The following COL5A2 variants were observed in gnomAD, a reference collection of about 807,000 sequenced individuals.
COL5A2 encodes the protein collagen type V alpha 2 chain.
Under a neutral mutation model 208.2 loss-of-function variants are expected in COL5A2, and 23 were observed. The observed-to-expected ratio is 0.11, with a 90% CI of 0.08 to 0.16. The LOEUF (loss-of-function observed/expected upper bound fraction) is 0.16. COL5A2 is among the 10% of genes least tolerant of loss of function. The probability of loss-of-function intolerance (pLI) is 1.00; values close to 1 mark genes in which losing one functional copy is unlikely to be tolerated. For missense variants in COL5A2, 1,590 were observed against 1,956.4 expected, an observed-to-expected ratio of 0.81 and a Z score of 3.53; for synonymous variants, 625 against 628.5, an observed-to-expected ratio of 0.99 and a Z score of 0.08.
At position 189,085,352 on chromosome 2, in the gene COL5A2, G is replaced by A. The variant is rs560822050; in HGVS notation, c.745-139C>T. On this transcript the variant is annotated intron_variant, in intron 10 of 53. Transcript: ENST00000374866. ...GAAAATGATAAATATTGTTGAGACA[G>A]AGAAAATAGTTTTATTAAAGTTTTG... 7 of 856,346 alleles carry A rather than the reference G, an allele frequency of 8.2e-6. No individual in the cohort carries two copies. In the African/African-American group the frequency reaches 8.5e-5, roughly 10 times the overall value. The allele number at this position is 856,346 out of a possible 1,614,324, so 53.0% of individuals were successfully genotyped here. A position where few individuals can be genotyped will look rare whatever the true frequency, so the allele number is the denominator to read the frequency against.
At chr2:189,404,246 T>C in the COL5A2 span, among the ~76,000 whole-genome samples, 1 of 151,998 alleles carries the variant, frequency 6.6e-6, no homozygotes, top group Non-Finnish European at 1.5e-5. Context: ...GAATCAGAGA[T>C]TAAGTAAAGA....
chr2:189,399,734 C>G, the COL5A2 span, among the ~76,000 whole-genome samples: 1 of 152,084 alleles, frequency 6.6e-6, no homozygotes, highest in Non-Finnish European at 1.5e-5. Context: ...GGGTCTCACT[C>G]TGCTGCCCAG....
At chr2:189,050,903 T>G (rs2105557503) in intron 42 of COL5A2, among the ~76,000 whole-genome samples, 1 of 152,278 alleles carries the variant, frequency 6.6e-6, no homozygotes, top group South Asian at 2.1e-4. Flanking sequence ...AACTGAAGAT[T>G]AATGTGAATA....
At chr2:189,176,467 C>T (rs184644823) in intron 1 of COL5A2, among the ~76,000 whole-genome samples, 3 of 152,254 alleles carry the variant, frequency 2.0e-5, no homozygotes, top group Middle Eastern at 3.4e-3. Flanking sequence ...CAAAATGATA[C>T]ATTTCTGCAC....
At chr2:189,311,790 G>T in the COL5A2 span, 1 of 893,074 alleles carries the variant, frequency 1.1e-6, no homozygotes, top group Non-Finnish European at 1.9e-6. Flanking sequence ...CATCACATTG[G>T]ACCTGGATGT....
Position 189,065,860 on chromosome 2 carries a change from C to T in COL5A2, c.1563+530G>A, listed in dbSNP as rs76858176. On this transcript the variant is annotated intron_variant, in intron 23 of 53. Transcript: ENST00000374866. ...TTTTCCTCTGCTAAGAATGTTCTTCCTTCCAAGTTTTCTACTGGCTTATCA... is the reference window on the plus strand; with the variant it reads ...TTTTCCTCTGCTAAGAATGTTCTTCTTTCCAAGTTTTCTACTGGCTTATCA... Among the ~76,000 whole-genome samples, 1,078 of 152,276 alleles carry T rather than the reference C, an allele frequency of 7.1e-3. 13 individuals are homozygous for T. Among genetic ancestry groups the T allele is most frequent in the African/African-American group, 0.024 (995 of 41,558 alleles).
rs574151096 is a variant in COL5A2 at position 189,097,916 on chromosome 2, T to C, written c.403-586A>G. 1.1e-4 allele frequency among the ~76,000 whole-genome samples: 17 copies of C among 152,354 alleles called. No individual in the cohort carries two copies. In the South Asian group the frequency reaches 3.1e-3, roughly 28 times the overall value. Reference sequence around the variant, plus strand: ...TTAGAATATTGCATTACTTCCCTTGTATGTTTAAAACCCACTTAGAAATTT... The same window carrying C: ...TTAGAATATTGCATTACTTCCCTTGCATGTTTAAAACCCACTTAGAAATTT... On this transcript the variant is annotated intron_variant, in intron 5 of 53. Coordinates refer to ENST00000374866, the MANE Select transcript of COL5A2 (RefSeq NM_000393.5).
At chr2:189,303,756 G>A in the COL5A2 span, among the ~76,000 whole-genome samples, 1 of 152,108 alleles carries the variant, frequency 6.6e-6, no homozygotes. Flanking sequence ...AGGCAAACGC[G>A]GAGCTGTAAC....
intron 1 of COL5A2, among the ~76,000 whole-genome samples, chr2:189,202,205 C>A (rs1689088307): frequency 6.6e-6 from 1 of 151,408 alleles, no homozygotes. Context: ...CAATGTGAAC[C>A]ATAAACAAAA....
At chr2:189,148,847 A>C (rs970635863) in intron 1 of COL5A2, among the ~76,000 whole-genome samples, 1 of 152,194 alleles carries the variant, frequency 6.6e-6, no homozygotes, top group African/African-American at 2.4e-5. Flanking sequence ...TCAACATGAA[A>C]TACTGATTAT....
chr2:189,288,102 T>C, the COL5A2 span, among the ~76,000 whole-genome samples: 1 of 152,010 alleles, frequency 6.6e-6, no homozygotes, highest in African/African-American at 2.4e-5. Context: ...GTTTATGGAA[T>C]GAAAAGAGGT....
At chr2:189,103,249 C>G (rs902343607) in intron 3 of COL5A2, among the ~76,000 whole-genome samples, 1 of 152,092 alleles carries the variant, frequency 6.6e-6, no homozygotes, top group Non-Finnish European at 1.5e-5. Flanking sequence ...ATAGCATTTG[C>G]AGCCCTTCTC....
chr2:189,073,165 C>G (rs555146369), intron 17 of COL5A2, among the ~76,000 whole-genome samples: 1 of 152,052 alleles, frequency 6.6e-6, no homozygotes, highest in Non-Finnish European at 1.5e-5. Context: ...TCTTGGCCCA[C>G]GTTGATCATG....
chr2:189,090,645 T>C (rs1260509509), intron 7 of COL5A2, among the ~76,000 whole-genome samples: 1 of 152,222 alleles, frequency 6.6e-6, no homozygotes, highest in Admixed American at 6.5e-5. Context: ...CTGGAGACTT[T>C]AAGCTAAGAC....
rs757934485 is a variant in COL5A2 at position 189,035,173 on chromosome 2, CTT to C, written c.4114-20_4114-19del. The C allele has an allele frequency of 2.5e-6, 4 of 1,613,608 alleles. No individual in the cohort carries two copies. In the Admixed American group the frequency reaches 6.7e-5, roughly 27 times the overall value. ...TAAGCGAACTAGAAAAACAAAGAGT[CTT>C]TGTCATACACAAGACTGAAGGGTTT... On this transcript the variant is annotated intron_variant, in intron 52 of 53. Coordinates refer to ENST00000374866, the MANE Select transcript of COL5A2 (RefSeq NM_000393.5).
In COL5A2 at chr2:189,110,460, AAAAG is replaced by A. The variant is rs770954568; in HGVS notation, c.98-15_98-12del. Reference sequence around the variant, plus strand: ...CTTCACCATATCCTTCTAAAATAAGAAAAGAAAGAAGAGGTTAGTAATCTGAAAT... The same window carrying A: ...CTTCACCATATCCTTCTAAAATAAGAAAAGAAGAGGTTAGTAATCTGAAAT... On this transcript the variant is annotated splice_polypyrimidine_tract_variant and intron_variant, in intron 1 of 53. Transcript: ENST00000374866. 5.0e-6 allele frequency: 8 copies of A among 1,606,032 alleles called. No individual in the cohort carries two copies. The highest frequency in any genetic ancestry group is 6.8e-6 in the Non-Finnish European group (8 of 1,172,688).
At chr2:189,226,708 AC>A (rs1382748117), upstream of COL5A2, among the ~76,000 whole-genome samples, 2 of 152,136 alleles carry the variant, frequency 1.3e-5, no homozygotes, top group Non-Finnish European at 2.9e-5. Flanking sequence ...CTCCAGAGGA[AC>A]CACAGTATCG....
At chr2:189,270,470 A>C in the COL5A2 span, among the ~76,000 whole-genome samples, 1 of 152,004 alleles carries the variant, frequency 6.6e-6, no homozygotes, top group Non-Finnish European at 1.5e-5. Context: ...TTTCTGCCTT[A>C]ATTTCGTTAT....
intron 23 of COL5A2, 145 bp from the exon 24 acceptor site, chr2:189,065,202 G>C: frequency 1.3e-6 from 1 of 749,790 alleles, no homozygotes; most frequent in Non-Finnish European, 2.3e-6. Context: ...AGAAAAATCT[G>C]ACTCGATGGA....
Sources: gnomAD v4.1 joint callset for allele counts (sites outside exome capture counted in the v4.1 genomes callset) on GRCh38, gnomAD v4.1.1 for gene constraint, MANE v1.5 for transcripts, NCBI Gene and HGNC (gene_info 2026-07-23, HGNC 2026-07-21) for gene names.